GALNT17: variants seen among roughly 807,000 people sequenced by gnomAD.
GALNT17 encodes polypeptide N-acetylgalactosaminyltransferase 17, also known as UDP-GalNAc:polypeptide N-acetylgalactosaminyltransferase-like 3.
GALNT17 carries 29 observed loss-of-function variants against 63.7 expected under a neutral mutation model. The observed-to-expected ratio is 0.46, with a 90% CI of 0.34 to 0.62. The LOEUF is 0.62. Among genes scored for constraint, GALNT17 ranks in the 20% least tolerant of loss-of-function variants. The pLI is 0.01. For missense variants in GALNT17, 603 were observed against 799.6 expected (o/e 0.75, Z 2.97); for synonymous variants, 305 against 318.3 (o/e 0.96, Z 0.45).
At chr7:71,486,867 A>C (rs1240789040) in intron 5 of GALNT17, among the ~76,000 whole-genome samples, 1 of 151,920 alleles carries the variant, frequency 6.6e-6, no homozygotes, top group Non-Finnish European at 1.5e-5. Context: ...TGTCCAAAAA[A>C]AAAAAACAAA....
At chr7:71,606,151 C>CATT (rs1257658622) in intron 6 of GALNT17, among the ~76,000 whole-genome samples, 5 of 131,832 alleles carry the variant, frequency 3.8e-5, no homozygotes, top group South Asian at 2.3e-4. Flanking sequence ...GACAGGGTTT[C>CATT]ATTATGCTGC....
chr7:71,151,094 T>C (rs932432880), intron 1 of GALNT17, among the ~76,000 whole-genome samples: 1 of 151,990 alleles, frequency 6.6e-6, no homozygotes, highest in Admixed American at 6.6e-5. Flanking sequence ...TGTTCAGCCA[T>C]TGAGATTTTG....
At chr7:71,632,931 C>G (rs1418490171) in intron 6 of GALNT17, among the ~76,000 whole-genome samples, 1 of 151,796 alleles carries the variant, frequency 6.6e-6, no homozygotes, top group East Asian at 1.9e-4. Flanking sequence ...TAGCAAAACC[C>G]TGTCTCTACT....
intron 5 of GALNT17, among the ~76,000 whole-genome samples, chr7:71,518,371 G>C (rs1788476116): frequency 6.6e-6 from 1 of 152,106 alleles, no homozygotes; most frequent in Non-Finnish European, 1.5e-5. Context: ...TTGGGATCCA[G>C]GATCTAATCT....
In GALNT17 at chr7:71,435,557, C is replaced by T. The variant is rs2116500638; in HGVS notation, c.962+14452C>T. On this transcript the variant is annotated intron_variant, in intron 5 of 10. Transcript: ENST00000333538. The stretch of plus-strand genomic sequence containing the variant: ...TTTGCAGACCCTGCACTTGATGGAT[C>T]AGCTGGTGCCACCCAGATCTATAAA... 1.3e-5 allele frequency among the ~76,000 whole-genome samples: 2 copies of T among 152,306 alleles called. 1 individual carries two copies. Among genetic ancestry groups the T allele is most frequent in the East Asian group, 3.9e-4 (2 of 5,180 alleles).
intron 5 of GALNT17, among the ~76,000 whole-genome samples, chr7:71,528,089 T>C (rs1788654531): frequency 6.6e-6 from 1 of 152,200 alleles, no homozygotes; most frequent in African/African-American, 2.4e-5. Flanking sequence ...CTTTGCAATC[T>C]ATGGTACAGA....
intron 6 of GALNT17, among the ~76,000 whole-genome samples, chr7:71,592,544 A>AATAAAATATCATAGC: frequency 8.7e-6 from 1 of 115,366 alleles, no homozygotes; most frequent in East Asian, 2.6e-4. Context: ...AATAAAATAA[A>AATAAAATATCATAGC]ATAGCATAGC....
chr7:71,277,400 T>C (rs1436389778), intron 1 of GALNT17, among the ~76,000 whole-genome samples: 1 of 152,174 alleles, frequency 6.6e-6, no homozygotes, highest in Non-Finnish European at 1.5e-5. Context: ...GCATTCACTA[T>C]TTGGGTGATG....
chr7:71,706,950 C>T (rs1791728735), intron 9 of GALNT17, among the ~76,000 whole-genome samples: 1 of 152,186 alleles, frequency 6.6e-6, no homozygotes, highest in Non-Finnish European at 1.5e-5. Flanking sequence ...GGGGGCTCTT[C>T]TGCTGCTCAG....
chr7:71,332,808 C>T (rs1233572847), intron 1 of GALNT17, among the ~76,000 whole-genome samples: 1 of 152,178 alleles, frequency 6.6e-6, no homozygotes, highest in Non-Finnish European at 1.5e-5. Context: ...TCTCCTGCCT[C>T]AGCCTCCCGA....
chr7:71,534,290 G>A (rs1788767770), intron 5 of GALNT17, among the ~76,000 whole-genome samples: 1 of 151,984 alleles, frequency 6.6e-6, no homozygotes, highest in African/African-American at 2.4e-5. Flanking sequence ...CAAAGTGAGA[G>A]AAAAGCCCCT....
intron 1 of GALNT17, among the ~76,000 whole-genome samples, chr7:71,238,620 C>G (rs1789938400): frequency 1.3e-5 from 2 of 152,120 alleles, no homozygotes; most frequent in South Asian, 4.1e-4. Flanking sequence ...GACTGGGATT[C>G]TGTGTGTGTT....
rs148726181 is a variant in GALNT17 at position 71,336,881 on chromosome 7, GTC to G, written c.422+1150_422+1151del. On this transcript the variant is annotated intron_variant, in intron 2 of 10. Transcript: ENST00000333538. ...GTAATGGGATTGCTGGGTCAAATGG[GTC>G]TGCTTTGAGTTCTTTGCGGCTTCAC... is the stretch of plus-strand genomic sequence containing the variant. 7.1e-4 allele frequency among the ~76,000 whole-genome samples: 108 copies of G among 152,250 alleles called. 1 individual carries two copies. In the East Asian group the frequency reaches 0.015, roughly 21 times the overall value.
intron 9 of GALNT17, among the ~76,000 whole-genome samples, chr7:71,694,069 A>G (rs1037051193): frequency 6.6e-6 from 1 of 152,134 alleles, no homozygotes; most frequent in Non-Finnish European, 1.5e-5. Flanking sequence ...GAGGCCTCAC[A>G]ATCACGGTGG....
chr7:71,672,798 G>C (rs558565463), intron 8 of GALNT17, among the ~76,000 whole-genome samples: 31 of 152,212 alleles, frequency 2.0e-4, no homozygotes, highest in Non-Finnish European at 4.3e-4. Context: ...TGATCCACTC[G>C]CCTCAGCCTC....
chr7:71,616,591 C>T (rs1790207109), intron 6 of GALNT17, among the ~76,000 whole-genome samples: 1 of 142,946 alleles, frequency 7.0e-6, no homozygotes. Context: ...GGATATTAGG[C>T]CTTTATTGGA....
Position 71,459,217 on chromosome 7 carries a change from A to G in GALNT17, c.962+38112A>G, listed in dbSNP as rs114506561. On this transcript the variant is annotated intron_variant, in intron 5 of 10. Transcript: ENST00000333538. ...TTCAGAATGACTCTGGGGCTACCAC[A>G]TGGGCAGATAACATAACATTTATGG... is the stretch of plus-strand genomic sequence containing the variant. Among the ~76,000 whole-genome samples, 810 of 152,274 alleles carry G rather than the reference A, an allele frequency of 5.3e-3. 8 individuals carry two copies. Among genetic ancestry groups the G allele is most frequent in the African/African-American group, 0.019 (773 of 41,550 alleles).
intron 1 of GALNT17, among the ~76,000 whole-genome samples, chr7:71,321,126 G>A (rs1440454653): frequency 6.6e-6 from 1 of 152,156 alleles, no homozygotes; most frequent in Non-Finnish European, 1.5e-5. Context: ...CACATTTGAT[G>A]CTGACAAATT....
At chr7:71,163,679 GT>G (rs970721303) in intron 1 of GALNT17, among the ~76,000 whole-genome samples, 6 of 152,196 alleles carry the variant, frequency 3.9e-5, no homozygotes, top group African/African-American at 1.4e-4. Context: ...TCACCGAAAT[GT>G]TGAATTATTA....
Sources: gnomAD v4.1 joint callset for allele counts (sites outside exome capture counted in the v4.1 genomes callset) on GRCh38, gnomAD v4.1.1 for gene constraint, MANE v1.5 for transcripts, NCBI Gene and HGNC (gene_info 2026-07-23, HGNC 2026-07-21) for gene names.